Variants in UBXN8 observed in about 807,000 individuals in gnomAD.
UBXN8 encodes UBX domain-containing protein 8.
UBXN8 carries 27 observed loss-of-function variants against 32.1 expected under a neutral mutation model. That is an observed-to-expected ratio of 0.84 (90% CI 0.62 to 1.16). UBXN8 has a LOEUF of 1.16. Ranked by LOEUF, UBXN8 falls within the 50% of genes most tolerant of loss-of-function variation. The pLI, the probability that UBXN8 is intolerant of heterozygous loss-of-function variation, is 0.00. For missense variants in UBXN8, 306 were observed against 311.4 expected (o/e 0.98, Z 0.13); for synonymous variants, 109 against 111.8 (o/e 0.98, Z 0.16).
At position 30,766,956 on chromosome 8, in the gene UBXN8, T is replaced by C. The variant is rs1806026198; in HGVS notation, c.*562T>C. ...TTACAAAGTTCCAAATGAATCAGTA[T>C]TTTAAAAAATAAAACTATGAAAGCA... On this transcript the variant is annotated 3_prime_UTR_variant, in exon 8 of 8. Transcript: ENST00000265616. 1 of 152,238 alleles carries C rather than the reference T, an allele frequency of 6.6e-6. No individual in the cohort carries two copies. The highest frequency in any genetic ancestry group is 1.5e-5 in the Non-Finnish European group (1 of 68,046). 9.4% of individuals were successfully genotyped at this position (152,238 alleles called of 1,614,324 possible).
At chr8:30,762,968 C>T (rs1805896060) in intron 6 of UBXN8, among the ~76,000 whole-genome samples, 1 of 151,978 alleles carries the variant, frequency 6.6e-6, no homozygotes, top group South Asian at 2.1e-4. Flanking sequence ...TCCCTGGGCT[C>T]AGGCTATTCT....
intron 5 of UBXN8, among the ~76,000 whole-genome samples, chr8:30,759,354 A>G (rs1311324967): frequency 1.3e-5 from 2 of 149,380 alleles, no homozygotes; most frequent in African/African-American, 4.9e-5. Flanking sequence ...TCATGCCTCA[A>G]CCTCCTGAGT....
chr8:30,758,900 T>TTTTTTTTTG lies in UBXN8; in HGVS notation c.529-1980_529-1979insGTTTTTTTT, dbSNP rs1805746693. On this transcript the variant is annotated intron_variant, in intron 5 of 7. Transcript: ENST00000265616. ...TTTTTTGTTTGTTTTTTTTGTTTTT[T>TTTTTTTTTG]TTTTTTTTTTTGAGACGGAGTCTCG... Among the ~76,000 whole-genome samples, 4 of 121,994 alleles carry TTTTTTTTTG rather than the reference T, an allele frequency of 3.3e-5. 1 individual carries two copies. The highest frequency in any genetic ancestry group is 4.9e-5 in the Non-Finnish European group (3 of 60,726). 80.0% of individuals were successfully genotyped at this position (121,994 alleles called of 152,430 possible).
chr8:30,748,148 T>C (rs887307568), intron 1 of UBXN8, among the ~76,000 whole-genome samples: 1 of 150,976 alleles, frequency 6.6e-6, no homozygotes, highest in Non-Finnish European at 1.5e-5. Flanking sequence ...TTTTTTGAGA[T>C]GGAGTCTCAC....
chr8:30,745,989 A>G (rs1474914572), intron 1 of UBXN8, among the ~76,000 whole-genome samples: 1 of 152,160 alleles, frequency 6.6e-6, no homozygotes, highest in Non-Finnish European at 1.5e-5. Flanking sequence ...AGGCTCAAGC[A>G]ATCCACCCAC....
At chr8:30,757,489 T>C (rs1453974960) in intron 5 of UBXN8, among the ~76,000 whole-genome samples, 1 of 150,098 alleles carries the variant, frequency 6.7e-6, no homozygotes, top group East Asian at 2.0e-4. Context: ...GAGGTGGAGG[T>C]TGCAGTGAGC....
intron 1 of UBXN8, among the ~76,000 whole-genome samples, chr8:30,745,662 A>G (rs1805341887): frequency 6.6e-6 from 1 of 152,258 alleles, no homozygotes; most frequent in Non-Finnish European, 1.5e-5. Context: ...CAAGACCTTT[A>G]TCCAAAGGAT....
intron 2 of UBXN8, among the ~76,000 whole-genome samples, chr8:30,752,185 C>T (rs1055522931): frequency 2.0e-5 from 3 of 152,234 alleles, no homozygotes; most frequent in Admixed American, 1.3e-4. Context: ...ACACCACACC[C>T]GGCCAATCTA....
At position 30,751,330 on chromosome 8, in the gene UBXN8, A is replaced by G. The variant is rs150957426; in HGVS notation, c.89-66A>G. ...GGAGTTCGAGACCAGCCTAGTCAAC[A>G]TAGTGAGACCTCATCTCTTAAAAAA... On this transcript the variant is annotated intron_variant, in intron 1 of 7. Coordinates refer to ENST00000265616, the MANE Select transcript of UBXN8 (RefSeq NM_005671.4). The G allele has an allele frequency of 2.9e-6, 4 of 1,364,080 alleles. No homozygotes were observed. The African/African-American group carries it at 4.4e-5, about 15-fold the overall frequency. 84.5% of individuals were successfully genotyped at this position (1,364,080 alleles called of 1,614,324 possible).
upstream of UBXN8, among the ~76,000 whole-genome samples, chr8:30,743,643 A>T (rs1805267690): frequency 6.6e-6 from 1 of 152,220 alleles, no homozygotes; most frequent in Non-Finnish European, 1.5e-5. Context: ...AGGACCTGGC[A>T]TTAGGACGTG....
At chr8:30,753,464 C>A (rs1586098704) in intron 3 of UBXN8, among the ~76,000 whole-genome samples, 1 of 152,044 alleles carries the variant, frequency 6.6e-6, no homozygotes, top group East Asian at 1.9e-4. Context: ...GCTATGTTGA[C>A]CAGGCTGGTC....
chr8:30,735,851 C>CA (rs892779163), intron 1 of UBXN8, among the ~76,000 whole-genome samples: 17 of 152,074 alleles, frequency 1.1e-4, no homozygotes, highest in African/African-American at 3.6e-4. Context: ...AACAAATAAA[C>CA]AAAAAAGTCC....
rs1384516201 is a variant in UBXN8, at chr8:30,766,271, A to G, written c.690A>G (p.Leu230=). ...WMTRIGYHIS[L]YSLSTSFPRR... ...CGAGAATTGGGTACCACATATCTCT[A>G]TACAGCCTTTCTACTTCCTTTCCCA... The change falls in exon 8 of 8, where the codon CTA becomes CTG. Residue 230 remains leucine, a synonymous_variant. Coordinates refer to ENST00000265616, the MANE Select transcript of UBXN8 (RefSeq NM_005671.4). 12 of 1,613,686 alleles carry G rather than the reference A, an allele frequency of 7.4e-6. No individual in the cohort carries two copies. The highest frequency in any genetic ancestry group is 6.7e-5 in the African/African-American group (5 of 74,922).
chr8:30,736,383 G>C (rs1586084714), intron 1 of UBXN8, among the ~76,000 whole-genome samples: 1 of 140,756 alleles, frequency 7.1e-6, no homozygotes, highest in East Asian at 2.0e-4. Flanking sequence ...AGATCATGGG[G>C]GAGATCATAA....
At chr8:30,755,779 A>AG (rs1805642537) in intron 4 of UBXN8, among the ~76,000 whole-genome samples, 1 of 150,732 alleles carries the variant, frequency 6.6e-6, no homozygotes, top group Admixed American at 6.6e-5. Flanking sequence ...AAAAAAAAAA[A>AG]AAGAAGACTG....
chr8:30,759,695 G>A (rs1362621675), intron 5 of UBXN8, among the ~76,000 whole-genome samples: 1 of 151,356 alleles, frequency 6.6e-6, no homozygotes, highest in African/African-American at 2.4e-5. Context: ...GGTGGCTCAC[G>A]CCTGTAATCC....
upstream of UBXN8, among the ~76,000 whole-genome samples, chr8:30,731,557 C>G (rs994030195): frequency 6.6e-6 from 1 of 152,126 alleles, no homozygotes; most frequent in Non-Finnish European, 1.5e-5. Context: ...TAAAGTTACC[C>G]GGAACGGGAG....
intron 7 of UBXN8, among the ~76,000 whole-genome samples, chr8:30,765,839 C>A (rs1217606216): frequency 6.6e-6 from 1 of 151,908 alleles, no homozygotes; most frequent in Non-Finnish European, 1.5e-5. Context: ...GGAACCCCGT[C>A]TCTACTAAAA....
chr8:30,745,598 T>C (rs1367337125), intron 1 of UBXN8, among the ~76,000 whole-genome samples: 3 of 152,210 alleles, frequency 2.0e-5, no homozygotes, highest in African/African-American at 7.2e-5. Context: ...TTTAAAAAAA[T>C]GTACAAAGAC....
Sources: gnomAD v4.1 joint callset for allele counts (sites outside exome capture counted in the v4.1 genomes callset) on GRCh38, gnomAD v4.1.1 for gene constraint, MANE v1.5 for transcripts, NCBI Gene and HGNC (gene_info 2026-07-23, HGNC 2026-07-21) for gene names.